SYN2: variants seen among roughly 807,000 people sequenced by gnomAD.
SYN2 encodes synapsin-2.
SYN2 carries 19 observed loss-of-function variants against 50.9 expected under a neutral mutation model. That is an observed-to-expected ratio of 0.37 (90% CI 0.26 to 0.55). SYN2 has a LOEUF of 0.55. Among genes scored for constraint, SYN2 ranks in the 20% least tolerant of loss-of-function variants. The pLI, the probability that SYN2 is intolerant of heterozygous loss-of-function variation, is 0.81. For missense variants in SYN2, 587 were observed against 576.4 expected (o/e 1.02, Z -0.19); for synonymous variants, 255 against 224.9 (o/e 1.13, Z -1.20).
rs1696442058 is a variant in SYN2 at position 12,116,822 on chromosome 3, C to T, written c.378-23829C>T. On this transcript the variant is annotated intron_variant, in intron 1 of 12. Transcript: ENST00000621198. ...CTAGAATATAGTGGCAGGATCATAGCTCCCTGTAGCCTCACCTTCCTGGGC... is the reference window on the plus strand; with the variant it reads ...CTAGAATATAGTGGCAGGATCATAGTTCCCTGTAGCCTCACCTTCCTGGGC... Among the ~76,000 whole-genome samples, 5 of 152,254 alleles carry T rather than the reference C, an allele frequency of 3.3e-5. No homozygotes were observed. The Middle Eastern group carries it at 0.017, about 518-fold the overall frequency.
intron 1 of SYN2, among the ~76,000 whole-genome samples, chr3:12,139,424 G>A (rs1340480348): frequency 6.6e-6 from 1 of 152,126 alleles, no homozygotes; most frequent in Non-Finnish European, 1.5e-5. Context: ...ATCACCAGGG[G>A]GAGACAGTGC....
intron 1 of SYN2, among the ~76,000 whole-genome samples, chr3:12,012,677 C>T (rs947342637): frequency 5.9e-5 from 9 of 152,208 alleles, no homozygotes; most frequent in Non-Finnish European, 1.5e-5. Flanking sequence ...TCCTGGTTCT[C>T]TTACCTTAAC....
intron 1 of SYN2, among the ~76,000 whole-genome samples, chr3:12,117,774 G>C (rs1382586796): frequency 2.0e-5 from 3 of 152,288 alleles, no homozygotes; most frequent in African/African-American, 4.8e-5. Flanking sequence ...GGAAAGGATA[G>C]AGCTTCCTGC....
intron 1 of SYN2, among the ~76,000 whole-genome samples, chr3:12,098,995 A>T (rs538593508): frequency 6.6e-6 from 1 of 152,028 alleles, no homozygotes; most frequent in South Asian, 2.1e-4. Flanking sequence ...TTGATAAAAG[A>T]TCACTCTATC....
rs1244532127 is a variant in SYN2 at position 12,191,927 on chromosome 3, CT to C, written c.*1304del. On this transcript the variant is annotated 3_prime_UTR_variant, in exon 13 of 13. Transcript: ENST00000621198. The stretch of plus-strand genomic sequence containing the variant: ...GCTCTGAGGGATTTCACTCTGGCTG[CT>C]TCATGACTCCCTGATACTCAAGTAT... Among the ~76,000 whole-genome samples the C allele has an allele frequency of 6.6e-6, 1 of 152,182 alleles. No homozygotes were observed. The highest frequency in any genetic ancestry group is 1.5e-5 in the Non-Finnish European group (1 of 68,042).
intron 1 of SYN2, among the ~76,000 whole-genome samples, chr3:12,017,639 A>G (rs1694051358): frequency 1.3e-5 from 2 of 152,246 alleles, no homozygotes; most frequent in South Asian, 4.1e-4. Context: ...ATAAACCTTG[A>G]AAATGTCTAA....
chr3:12,139,501 A>T (rs1476981198), intron 1 of SYN2, among the ~76,000 whole-genome samples: 1 of 152,188 alleles, frequency 6.6e-6, no homozygotes, highest in East Asian at 1.9e-4. Flanking sequence ...CTCTGCCACT[A>T]ACTTGCTATA....
At chr3:12,107,982 AGGAG>A (rs1351132666) in intron 1 of SYN2, among the ~76,000 whole-genome samples, 1 of 152,018 alleles carries the variant, frequency 6.6e-6, no homozygotes, top group African/African-American at 2.4e-5. Context: ...AGGTTGAGGT[AGGAG>A]GATCACTTGT....
intron 1 of SYN2, among the ~76,000 whole-genome samples, chr3:12,005,148 C>G (rs1693768342): frequency 6.6e-6 from 1 of 152,184 alleles, no homozygotes; most frequent in Admixed American, 6.5e-5. Flanking sequence ...TAAAATACCC[C>G]TCAATTGCCC....
rs1694538050 is a variant in SYN2, at chr3:12,038,092, G to A, written c.377+33164G>A. ...TTGCCTTAATTTTTGTATATGCTGT[G>A]AAGAGTCCAAATTCATTCCTTAGCA... On this transcript the variant is annotated intron_variant, in intron 1 of 12. Coordinates refer to ENST00000621198, the MANE Select transcript of SYN2 (RefSeq NM_133625.6). Among the ~76,000 whole-genome samples the A allele has an allele frequency of 1.3e-5, 2 of 152,094 alleles. 1 individual carries two copies. Among genetic ancestry groups the A allele is most frequent in the South Asian group, 4.1e-4 (2 of 4,824 alleles).
chr3:12,184,984 G>A, intron 11 of SYN2: 2 of 985,768 alleles, frequency 2.0e-6, no homozygotes, highest in Non-Finnish European at 2.4e-6. Context: ...TAGTGTTGGT[G>A]GTATGTAACA....
At chr3:12,143,756 C>T (rs1295756678) in intron 3 of SYN2, among the ~76,000 whole-genome samples, 5 of 152,048 alleles carry the variant, frequency 3.3e-5, no homozygotes, top group East Asian at 3.9e-4. Context: ...CATATGAGTA[C>T]GGGTGTCTTT....
chr3:12,006,338 G>A (rs1007803415), intron 1 of SYN2, among the ~76,000 whole-genome samples: 1 of 152,214 alleles, frequency 6.6e-6, no homozygotes, highest in African/African-American at 2.4e-5. Context: ...AAAGGCACAT[G>A]GAAGAGGGTA....
chr3:12,190,955 AC>A lies in SYN2; in HGVS notation c.*332del. The A allele has an allele frequency of 9.5e-7, 1 of 1,056,684 alleles. No homozygotes were observed. The highest frequency in any genetic ancestry group is 1.1e-6 in the Non-Finnish European group (1 of 876,676). 65.5% of individuals were successfully genotyped at this position (1,056,684 alleles called of 1,614,324 possible). A position where few individuals can be genotyped will look rare whatever the true frequency, so the allele number is the denominator to read the frequency against. The stretch of plus-strand genomic sequence containing the variant: ...ATCATGTCTTATTCTTCCCTGTGAA[AC>A]CAGGATTAATCGTGGACTCCTGGCA... On this transcript the variant is annotated 3_prime_UTR_variant, in exon 13 of 13. Transcript: ENST00000621198.
chr3:12,065,230 G>C (rs918465274), intron 1 of SYN2, among the ~76,000 whole-genome samples: 1 of 152,094 alleles, frequency 6.6e-6, no homozygotes, highest in Non-Finnish European at 1.5e-5. Flanking sequence ...AGAGTAAAGG[G>C]AACACCTACA....
intron 1 of SYN2, among the ~76,000 whole-genome samples, chr3:12,026,630 C>T (rs1694264701): frequency 6.6e-6 from 1 of 152,096 alleles, no homozygotes; most frequent in African/African-American, 2.4e-5. Flanking sequence ...TATGAAAAGA[C>T]ATTGCTCTTT....
intron 1 of SYN2, among the ~76,000 whole-genome samples, chr3:12,107,001 G>T (rs1696206456): frequency 9.4e-6 from 1 of 106,366 alleles, no homozygotes; most frequent in Non-Finnish European, 1.9e-5. Context: ...CTTGGCAGAG[G>T]GGTCTGTATG....
intron 10 of SYN2, among the ~76,000 whole-genome samples, chr3:12,178,033 A>G (rs1481018577): frequency 6.6e-6 from 1 of 152,214 alleles, no homozygotes; most frequent in Non-Finnish European, 1.5e-5. Flanking sequence ...AAGCCCAGAA[A>G]GATCCCAAGG....
At chr3:12,185,475 A>G (rs754105083) in intron 11 of SYN2, 219 of 985,808 alleles carry the variant, frequency 2.2e-4, no homozygotes, top group Middle Eastern at 5.2e-4. Context: ...ATGCAAGCAG[A>G]TAGCATAACC....
Sources: gnomAD v4.1 joint callset for allele counts (sites outside exome capture counted in the v4.1 genomes callset) on GRCh38, gnomAD v4.1.1 for gene constraint, MANE v1.5 for transcripts, NCBI Gene and HGNC (gene_info 2026-07-23, HGNC 2026-07-21) for gene names.